The following CFAP58 variants were observed in gnomAD, a reference collection of about 807,000 sequenced individuals.
CFAP58 encodes cilia and flagella associated protein 58.
A neutral mutation model predicts 119.5 loss-of-function variants in CFAP58; 88 were observed. The observed-to-expected ratio is 0.74, with a 90% CI of 0.62 to 0.88. The LOEUF is 0.88. Among genes scored for constraint, CFAP58 ranks in the 40% least tolerant of loss-of-function variants. The pLI, the probability that CFAP58 is intolerant of heterozygous loss-of-function variation, is 0.00. For synonymous variants in CFAP58, 365 were observed against 366.3 expected (o/e 1.00, Z 0.04); for missense variants, 990 against 1,021.2 (o/e 0.97, Z 0.42).
intron 2 of CFAP58, 81 bp downstream of exon 2, chr10:104,358,703 T>A: frequency 1.6e-6 from 2 of 1,271,880 alleles, no homozygotes; most frequent in Non-Finnish European, 2.2e-6. Context: ...AGGCTGGTAG[T>A]AAATGAGTTA....
chr10:104,357,922 TACACATATACACACATATATGTAC>T (rs1564875950), intron 1 of CFAP58, among the ~76,000 whole-genome samples: 63 of 112,972 alleles, frequency 5.6e-4, no homozygotes, highest in African/African-American at 1.2e-3. Context: ...CACATATATG[TACACATATACACACATATATGTAC>T]ACATATATAC....
rs115696525 is a variant in CFAP58, at chr10:104,432,182, G to A, written c.2257-15516G>A. 6.5e-3 allele frequency among the ~76,000 whole-genome samples: 991 copies of A among 152,080 alleles called. 13 individuals carry two copies. Among genetic ancestry groups the A allele is most frequent in the African/African-American group, 0.023 (942 of 41,488 alleles). On this transcript the variant is annotated intron_variant, in intron 15 of 17. Coordinates refer to ENST00000369704, the MANE Select transcript of CFAP58 (RefSeq NM_001008723.2). ...TAAAACATCATCAGAATAGTAAAAA[G>A]CATTTCAAAGGTGGAAAGAAAAAAA...
At chr10:104,360,203 G>C (rs1415464113) in intron 2 of CFAP58, among the ~76,000 whole-genome samples, 4 of 152,190 alleles carry the variant, frequency 2.6e-5, no homozygotes, top group African/African-American at 4.8e-5. Context: ...ACAGAATTTT[G>C]CAAGAAAGTT....
chr10:104,382,378 TTTC>T, intron 9 of CFAP58: 2 of 529,942 alleles, frequency 3.8e-6, no homozygotes, highest in Non-Finnish European at 6.9e-6. Context: ...CAGCCTCCAG[TTTC>T]TTCTTCCTGA....
At chr10:104,362,466 T>A (rs1347771411) in intron 3 of CFAP58, among the ~76,000 whole-genome samples, 2 of 152,204 alleles carry the variant, frequency 1.3e-5, no homozygotes, top group Non-Finnish European at 2.9e-5. Flanking sequence ...AGAATATAAC[T>A]GGCTAATTTT....
the CFAP58 span, among the ~76,000 whole-genome samples, chr10:104,347,582 T>TA: frequency 6.6e-6 from 1 of 152,038 alleles, no homozygotes; most frequent in Non-Finnish European, 1.5e-5. Context: ...ACCATGTCGT[T>TA]AAGGGCCCCA....
chr10:104,410,110 A>G (rs1410859827), intron 15 of CFAP58, among the ~76,000 whole-genome samples: 1 of 152,158 alleles, frequency 6.6e-6, no homozygotes, highest in Non-Finnish European at 1.5e-5. Context: ...TAAATACATT[A>G]TCTTAATTCT....
chr10:104,355,808 A>G (rs943998411), intron 1 of CFAP58, among the ~76,000 whole-genome samples: 1 of 152,240 alleles, frequency 6.6e-6, no homozygotes, highest in African/African-American at 2.4e-5. Flanking sequence ...TTTTAATGAC[A>G]ATAGGAACAA....
chr10:104,390,555 G>T (rs1354891355), intron 9 of CFAP58, among the ~76,000 whole-genome samples: 1 of 152,148 alleles, frequency 6.6e-6, no homozygotes. Flanking sequence ...ATTTTTGAGA[G>T]ATTAAAGGAG....
intron 11 of CFAP58, among the ~76,000 whole-genome samples, chr10:104,396,607 A>G (rs1218441271): frequency 6.6e-6 from 1 of 152,240 alleles, no homozygotes; most frequent in Non-Finnish European, 1.5e-5. Context: ...ATGACTCTTG[A>G]GATATGATTT....
intron 13 of CFAP58, among the ~76,000 whole-genome samples, chr10:104,402,340 C>T (rs2012280589): frequency 6.6e-6 from 1 of 152,204 alleles, no homozygotes; most frequent in South Asian, 2.1e-4. Flanking sequence ...GCTTTTAATT[C>T]TAAGCAGCTT....
chr10:104,378,896 A>G (rs1300262808), intron 8 of CFAP58, among the ~76,000 whole-genome samples: 1 of 149,750 alleles, frequency 6.7e-6, no homozygotes, highest in East Asian at 1.9e-4. Flanking sequence ...TCAGCATCAG[A>G]AATCTCCAGT....
chr10:104,366,034 A>G (rs766433383), intron 5 of CFAP58, 26 bp downstream of exon 5: 6 of 1,519,066 alleles, frequency 3.9e-6, no homozygotes, highest in Non-Finnish European at 5.3e-6. Flanking sequence ...GTCTTCGCAA[A>G]AAACCAAGAA....
At chr10:104,419,051 G>A (rs1013126723) in intron 15 of CFAP58, among the ~76,000 whole-genome samples, 5 of 152,210 alleles carry the variant, frequency 3.3e-5, no homozygotes, top group African/African-American at 1.2e-4. Context: ...GGGAATGGTT[G>A]AGGAGGCTGT....
At chr10:104,411,787 C>A (rs1226830586) in intron 15 of CFAP58, among the ~76,000 whole-genome samples, 1 of 151,912 alleles carries the variant, frequency 6.6e-6, no homozygotes, top group Non-Finnish European at 1.5e-5. Flanking sequence ...CACCCAGAGC[C>A]CAGGAGAGAT....
intron 15 of CFAP58, among the ~76,000 whole-genome samples, chr10:104,437,351 T>C (rs889314489): frequency 1.3e-5 from 2 of 152,262 alleles, no homozygotes; most frequent in African/African-American, 4.8e-5. Flanking sequence ...AAGGTTGTTG[T>C]AACATAAAAA....
At chr10:104,413,706 ACATCATCATCAT>A (rs199893413) in intron 15 of CFAP58, among the ~76,000 whole-genome samples, 2,436 of 143,856 alleles carry the variant, frequency 0.017, 35 homozygotes, top group South Asian at 0.055. Flanking sequence ...GGGTATCATT[ACATCATCATCAT>A]CATCATCATC....
chr10:104,403,607 A>G (rs2012305759), intron 13 of CFAP58, 122 bp from the exon 14 acceptor site: 1 of 503,466 alleles, frequency 2.0e-6, no homozygotes, highest in Non-Finnish European at 3.5e-6. Flanking sequence ...CCCTGTGTTC[A>G]CAATATTCTC....
At chr10:104,415,096 G>A (rs928570268) in intron 15 of CFAP58, among the ~76,000 whole-genome samples, 8 of 152,142 alleles carry the variant, frequency 5.3e-5, no homozygotes, top group African/African-American at 1.7e-4. Flanking sequence ...CAACCACAGG[G>A]CAGTGTACCA....
Sources: allele counts gnomAD v4.1 joint callset (sites outside exome capture counted in the v4.1 genomes callset), GRCh38; gene constraint gnomAD v4.1.1; transcripts MANE v1.5; gene names NCBI Gene and HGNC (gene_info 2026-07-23, HGNC 2026-07-21).